FAM178B: variants seen among roughly 807,000 people sequenced by gnomAD.
FAM178B encodes protein FAM178B.
In FAM178B, 82 loss-of-function variants were observed where a neutral mutation model predicts 91.7. The ratio of observed to expected loss-of-function variants is 0.89; its 90% CI spans 0.75 to 1.07. The LOEUF (loss-of-function observed/expected upper bound fraction) is 1.07, where lower values mean the gene tolerates loss of function less well. FAM178B is among the 50% of genes least tolerant of loss of function. The probability of loss-of-function intolerance (pLI) is 0.00; values close to 1 mark genes in which losing one functional copy is unlikely to be tolerated. For missense variants in FAM178B, 769 were observed against 846.7 expected (o/e 0.91, Z 1.14); for synonymous variants, 368 against 359.4 (o/e 1.02, Z -0.27).
At chr2:96,962,139 T>C (rs751963859) in intron 5 of FAM178B, among the ~76,000 whole-genome samples, 12 of 151,986 alleles carry the variant, frequency 7.9e-5, no homozygotes, top group Non-Finnish European at 1.8e-4. Context: ...CCGTCTCTAC[T>C]AAAAATACAA....
In FAM178B at chr2:96,932,871, CA is replaced by C. The variant is rs780083486; in HGVS notation, c.1079-3552del. Among the ~76,000 whole-genome samples, 115 of 128,350 alleles carry C rather than the reference CA, an allele frequency of 9.0e-4. 1 individual carries two copies. Among genetic ancestry groups the C allele is most frequent in the Non-Finnish European group, 9.8e-4 (63 of 64,178 alleles). 84.2% of individuals were successfully genotyped at this position (128,350 alleles called of 152,430 possible). ...AGGAGAATTGCTTGAACCCAGGAGG[CA>C]AAGGTTGCAGTGAGTTGAAATCGTG... On this transcript the variant is annotated intron_variant, in intron 8 of 16. Coordinates refer to ENST00000490605, the MANE Select transcript of FAM178B (RefSeq NM_001122646.3).
At chr2:96,879,879 G>A (rs1287811030) in intron 14 of FAM178B, among the ~76,000 whole-genome samples, 2 of 152,230 alleles carry the variant, frequency 1.3e-5, no homozygotes, top group Non-Finnish European at 2.9e-5. Context: ...GCCTGCTGGC[G>A]ATGCACTGCT....
At chr2:96,911,141 G>A (rs186416748) in intron 12 of FAM178B, among the ~76,000 whole-genome samples, 26 of 152,184 alleles carry the variant, frequency 1.7e-4, no homozygotes, top group Non-Finnish European at 2.5e-4. Flanking sequence ...GACAAAGCAC[G>A]AGTGTGCTGA....
At chr2:96,898,050 G>GC in intron 13 of FAM178B, 1 of 985,624 alleles carries the variant, frequency 1.0e-6, no homozygotes, top group African/African-American at 1.7e-5. Context: ...AGGGACTCCT[G>GC]CCCAGCAGTG....
chr2:96,902,000 C>T (rs1236733695), intron 13 of FAM178B, among the ~76,000 whole-genome samples: 1 of 152,050 alleles, frequency 6.6e-6, no homozygotes, highest in East Asian at 1.9e-4. Flanking sequence ...GGTTTCACCA[C>T]ATTGGCCAGG....
At chr2:96,920,554 C>G (rs1241203920) in intron 12 of FAM178B, among the ~76,000 whole-genome samples, 6 of 151,878 alleles carry the variant, frequency 4.0e-5, no homozygotes, top group African/African-American at 1.5e-4. Context: ...GAGCCGAGAT[C>G]GCACCACTGC....
chr2:96,895,177 G>A lies in FAM178B; in HGVS notation c.1651-1126C>T, dbSNP rs914485245. On this transcript the variant is annotated intron_variant, in intron 13 of 16. Coordinates refer to ENST00000490605, the MANE Select transcript of FAM178B (RefSeq NM_001122646.3). Reference sequence around the variant, plus strand: ...GATTTTAAAGCAAATACATCGTATCGTTTTACCCATAAAGAGCTTCTACAG... The same window carrying A: ...GATTTTAAAGCAAATACATCGTATCATTTTACCCATAAAGAGCTTCTACAG... The A allele has an allele frequency of 1.1e-4, 127 of 1,153,408 alleles. 1 individual carries two copies. The highest frequency in any genetic ancestry group is 6.0e-4 in the South Asian group (46 of 76,346). 71.4% of individuals were successfully genotyped at this position (1,153,408 alleles called of 1,614,324 possible). A position where few individuals can be genotyped will look rare whatever the true frequency, so the allele number is the denominator to read the frequency against.
intron 8 of FAM178B, among the ~76,000 whole-genome samples, chr2:96,936,265 G>GCT (rs1553503954): frequency 6.6e-6 from 1 of 152,106 alleles, no homozygotes; most frequent in Non-Finnish European, 1.5e-5. Flanking sequence ...GCAGTGGCAT[G>GCT]ATCTCTGCTC....
intron 12 of FAM178B, among the ~76,000 whole-genome samples, chr2:96,915,112 ATTT>A (rs570515612): frequency 7.0e-6 from 1 of 143,048 alleles, no homozygotes; most frequent in Non-Finnish European, 1.5e-5. Context: ...CTATAACCAA[ATTT>A]TTTTTTTTTT....
intron 1 of FAM178B, among the ~76,000 whole-genome samples, chr2:96,976,730 C>A (rs2082293566): frequency 6.6e-6 from 1 of 151,704 alleles, no homozygotes. Flanking sequence ...TGCCTGTAGT[C>A]CCAGCTACTC....
rs1225106283 is a variant in FAM178B, at chr2:96,915,555, C to T, written c.1562+5610G>A. Among the ~76,000 whole-genome samples the T allele has an allele frequency of 7.2e-5, 11 of 152,106 alleles. No homozygotes were observed. In the Middle Eastern group the frequency reaches 0.01, roughly 141 times the overall value. On this transcript the variant is annotated intron_variant, in intron 12 of 16. Coordinates refer to ENST00000490605, the MANE Select transcript of FAM178B (RefSeq NM_001122646.3). ...ATAAGAGGATGGGCACGGTGGCTCACGCCTATAATCCCAGCACTTTGGGAG... is the reference window on the plus strand; with the variant it reads ...ATAAGAGGATGGGCACGGTGGCTCATGCCTATAATCCCAGCACTTTGGGAG...
intron 9 of FAM178B, among the ~76,000 whole-genome samples, chr2:96,928,981 C>G (rs557825899): frequency 1.1e-4 from 17 of 151,978 alleles, no homozygotes; most frequent in South Asian, 2.1e-4. Flanking sequence ...GAGACCCCCC[C>G]CCGCCACCTC....
intron 5 of FAM178B, among the ~76,000 whole-genome samples, chr2:96,961,312 GGTGT>G (rs70964889): frequency 0.018 from 2,650 of 146,826 alleles, 44 homozygotes; most frequent in Non-Finnish European, 0.024. Context: ...AGCAGCAGAG[GGTGT>G]GTGTGTGTGT....
At position 96,977,139 on chromosome 2, in the gene FAM178B, G is replaced by A. The variant is rs531945275; in HGVS notation, c.74-4533C>T. ...GAACCCGGGAGGCAGAGGTTGCAGT[G>A]AGCCAAGATCACGCCACTGCACTCC... On this transcript the variant is annotated intron_variant, in intron 1 of 16. Coordinates refer to ENST00000490605, the MANE Select transcript of FAM178B (RefSeq NM_001122646.3). 4.3e-5 allele frequency among the ~76,000 whole-genome samples: 6 copies of A among 139,666 alleles called. No individual in the cohort carries two copies. In the South Asian group the frequency reaches 1.3e-3, roughly 31 times the overall value. The allele number at this position is 139,666 out of a possible 152,430, so 91.6% of individuals were successfully genotyped here. A position where few individuals can be genotyped will look rare whatever the true frequency, so the allele number is the denominator to read the frequency against.
In FAM178B at chr2:96,875,905, G is replaced by A. The variant is rs2080229813; in HGVS notation, c.*371C>T. ...ACTGATGCTGAAAGAAGACTTTAAT[G>A]TGCACAAAGAAACCTCACATTAGTG... On this transcript the variant is annotated 3_prime_UTR_variant, in exon 17 of 17. Coordinates refer to ENST00000490605, the MANE Select transcript of FAM178B (RefSeq NM_001122646.3). The A allele has an allele frequency of 3.5e-6, 1 of 284,590 alleles. No homozygotes were observed. 17.6% of individuals were successfully genotyped at this position (284,590 alleles called of 1,614,324 possible).
At chr2:96,909,142 C>CA (rs368745154) in intron 12 of FAM178B, among the ~76,000 whole-genome samples, 1,827 of 76,970 alleles carry the variant, frequency 0.024, 23 homozygotes, top group East Asian at 0.046. Flanking sequence ...GACTCTGTCT[C>CA]AAAAAAAAAA....
chr2:96,961,414 T>C (rs2082080307), intron 5 of FAM178B, among the ~76,000 whole-genome samples: 1 of 151,826 alleles, frequency 6.6e-6, no homozygotes, highest in African/African-American at 2.4e-5. Flanking sequence ...ACCCCCAGCA[T>C]ATGACATATC....
At chr2:96,897,972 T>TCTGCTC in intron 13 of FAM178B, 1 of 985,514 alleles carries the variant, frequency 1.0e-6, no homozygotes, top group Non-Finnish European at 1.2e-6. Context: ...AACGTGTGCT[T>TCTGCTC]CTGCTCCTGC....
chr2:96,921,475 T>C lies in FAM178B; in HGVS notation c.1464+3A>G. The C allele has an allele frequency of 6.4e-7, 1 of 1,551,630 alleles. No individual in the cohort carries two copies. Among genetic ancestry groups the C allele is most frequent in the Non-Finnish European group, 8.7e-7 (1 of 1,146,958 alleles). On this transcript the variant is annotated splice_donor_region_variant and intron_variant, in intron 11 of 16. Coordinates refer to ENST00000490605, the MANE Select transcript of FAM178B (RefSeq NM_001122646.3). ...TGAGGACCAGGCTCTGGGCGTCTAG[T>C]ACCTTCCCTGGCCACTCCCGGATGT...
Sources: gnomAD v4.1 joint callset for allele counts (sites outside exome capture counted in the v4.1 genomes callset) on GRCh38, gnomAD v4.1.1 for gene constraint, MANE v1.5 for transcripts, NCBI Gene and HGNC (gene_info 2026-07-23, HGNC 2026-07-21) for gene names.